The following ABCC5 variants were observed in gnomAD, a reference collection of about 807,000 sequenced individuals.
ABCC5 encodes ATP binding cassette subfamily C member 5.
ABCC5 carries 61 observed loss-of-function variants against 160.9 expected under a neutral mutation model. The observed-to-expected ratio is 0.38, with a 90% CI of 0.31 to 0.47. ABCC5 has a LOEUF of 0.47. Among genes scored for constraint, ABCC5 ranks in the 20% least tolerant of loss-of-function variants. The probability of loss-of-function intolerance (pLI) is 0.99; values close to 1 mark genes in which losing one functional copy is unlikely to be tolerated. For synonymous variants in ABCC5, 666 were observed against 700.6 expected (o/e 0.95, Z 0.78); for missense variants, 1,308 against 1,813.3 (o/e 0.72, Z 5.06).
intron 2 of ABCC5, among the ~76,000 whole-genome samples, chr3:183,999,015 G>A (rs1272591715): frequency 1.3e-5 from 2 of 151,876 alleles, no homozygotes; most frequent in African/African-American, 2.4e-5. Flanking sequence ...GCTTGAACCT[G>A]GGAGGTGCAG....
chr3:184,006,390 A>G (rs1334182191), intron 2 of ABCC5: 1 of 152,122 alleles, frequency 6.6e-6, no homozygotes, highest in Non-Finnish European at 1.5e-5. Context: ...ATCAAGAGAA[A>G]AATAATGCAG....
At position 183,921,697 on chromosome 3, in the gene ABCC5, A is replaced by AG. The variant is rs1711995093; in HGVS notation, c.4213-297_4213-296insC. Among the ~76,000 whole-genome samples the AG allele has an allele frequency of 6.6e-6, 1 of 152,164 alleles. No homozygotes were observed. The highest frequency in any genetic ancestry group is 2.4e-5 in the African/African-American group (1 of 41,536). ...TCCAGACCTCCTTCACATAAATCCAAATTCCTTCAGCCTTGGGAGTGAAGG... is the reference window on the plus strand; with the variant it reads ...TCCAGACCTCCTTCACATAAATCCAAGATTCCTTCAGCCTTGGGAGTGAAGG... On this transcript the variant is annotated intron_variant, in intron 29 of 29. Coordinates refer to ENST00000334444, the MANE Select transcript of ABCC5 (RefSeq NM_005688.4). The surrounding 1 kb of genome is among the most constrained non-coding windows in gnomAD (Gnocchi z 4.1).
intron 18 of ABCC5, 141 bp from the exon 19 acceptor site, chr3:183,952,144 CTTTTT>C (rs34905378): frequency 4.7e-3 from 1,757 of 372,162 alleles, no homozygotes; most frequent in South Asian, 8.2e-3. Flanking sequence ...TTGTCCACCT[CTTTTT>C]TTTTTTTTTT....
chr3:183,928,215 G>A (rs1464575516), intron 27 of ABCC5, among the ~76,000 whole-genome samples: 2 of 151,556 alleles, frequency 1.3e-5, no homozygotes, highest in Admixed American at 6.6e-5. Flanking sequence ...GGGCTCAAGC[G>A]ATTCTCCTGT....
At chr3:183,938,556 C>G (rs577112966) in intron 25 of ABCC5, among the ~76,000 whole-genome samples, 221 of 152,278 alleles carry the variant, frequency 1.5e-3, no homozygotes, top group African/African-American at 5.2e-3. Context: ...CTTGGCCTCC[C>G]AAAATGCTGG....
Position 183,963,281 on chromosome 3 carries a change from C to G in ABCC5, c.2235+104G>C. ...TTGCTAAGAAAATGAAACCTTGATT[C>G]CAGGAATTTCTAGTTATAACACAAG... On this transcript the variant is annotated intron_variant, in intron 15 of 29. Coordinates refer to ENST00000334444, the MANE Select transcript of ABCC5 (RefSeq NM_005688.4). This position sits in a 1 kb window ranked among gnomAD's most constrained non-coding sequence, Gnocchi z 4.6. The G allele has an allele frequency of 7.9e-7, 1 of 1,268,234 alleles. No individual in the cohort carries two copies. The allele number at this position is 1,268,234 out of a possible 1,614,324, so 78.6% of individuals were successfully genotyped here.
chr3:183,999,608 T>C (rs537526616), intron 2 of ABCC5, among the ~76,000 whole-genome samples: 58 of 151,554 alleles, frequency 3.8e-4, no homozygotes, highest in Non-Finnish European at 7.4e-4. Context: ...TGAGAACCCA[T>C]CTATATACAG....
At chr3:183,966,012 G>A (rs1235243494) in intron 12 of ABCC5, among the ~76,000 whole-genome samples, 1 of 152,152 alleles carries the variant, frequency 6.6e-6, no homozygotes, top group East Asian at 1.9e-4. Context: ...TACCAATGAT[G>A]GACCTTGCCT....
In ABCC5 at chr3:183,959,809, A is replaced by G. The variant is rs377226586; in HGVS notation, c.2406T>C (p.Gly802=). The G allele has an allele frequency of 1.2e-5, 19 of 1,611,342 alleles. No individual in the cohort carries two copies. In the African/African-American group the frequency reaches 2.3e-4, roughly 19 times the overall value. ...VEINSKKETS[G]SQKKSQDKGP... is the part of the protein sequence containing the mutation. The stretch of plus-strand genomic sequence containing the variant: ...CCTTGTCTTGTGACTTCTTCTGTGA[A>G]CCACTGGTTTCCTTTTTTGAATTGA... The change falls in exon 17 of 30, where the codon GGT becomes GGC. Residue 802 remains glycine, a synonymous_variant. Transcript: ENST00000334444.
intron 24 of ABCC5, 22 bp downstream of exon 24, chr3:183,945,827 TA>T: frequency 6.2e-7 from 1 of 1,606,228 alleles, no homozygotes; most frequent in Non-Finnish European, 8.5e-7. Flanking sequence ...CAGATCACGG[TA>T]AAAGGCCTAC....
Position 183,921,621 on chromosome 3 carries a change from G to T in ABCC5, c.4213-220C>A, listed in dbSNP as rs778418262. Among the ~76,000 whole-genome samples the T allele has an allele frequency of 1.2e-4, 18 of 149,614 alleles. No homozygotes were observed. The Admixed American group carries it at 1.2e-3, about 10-fold the overall frequency. ...ACTTCCAGCATTTTTGTAGTATGTGGTTTTGCCTAATAAAGTAGTATCATA... is the reference window on the plus strand; with the variant it reads ...ACTTCCAGCATTTTTGTAGTATGTGTTTTTGCCTAATAAAGTAGTATCATA... On this transcript the variant is annotated intron_variant, in intron 29 of 29. Coordinates refer to ENST00000334444, the MANE Select transcript of ABCC5 (RefSeq NM_005688.4). The surrounding 1 kb of genome is among the most constrained non-coding windows in gnomAD (Gnocchi z 4.1).
chr3:183,934,516 A>G (rs1382047135), intron 26 of ABCC5, among the ~76,000 whole-genome samples: 1 of 152,218 alleles, frequency 6.6e-6, no homozygotes, highest in Non-Finnish European at 1.5e-5. Context: ...CTCAGTAGCT[A>G]CAAACCCAGG....
At chr3:183,922,081 A>ATAAATAAC (rs201893198) in intron 29 of ABCC5, among the ~76,000 whole-genome samples, 1 of 144,516 alleles carries the variant, frequency 6.9e-6, no homozygotes, top group South Asian at 2.2e-4. Context: ...AAATAAATAA[A>ATAAATAAC]AAACAACAGG....
At chr3:183,969,041 G>A (rs967580229) in intron 11 of ABCC5, among the ~76,000 whole-genome samples, 1 of 152,210 alleles carries the variant, frequency 6.6e-6, no homozygotes, top group East Asian at 1.9e-4. Context: ...TTCAACCTCT[G>A]CTCAGGCCAG....
At chr3:183,928,272 C>T (rs1002087090) in intron 27 of ABCC5, among the ~76,000 whole-genome samples, 12 of 152,046 alleles carry the variant, frequency 7.9e-5, no homozygotes, top group Admixed American at 3.9e-4. Context: ...CCACCACACC[C>T]GGCTAATTTT....
chr3:183,963,647 G>C lies in ABCC5; in HGVS notation c.2032-59C>G. 1 of 1,548,940 alleles carries C rather than the reference G, an allele frequency of 6.5e-7. No homozygotes were observed. Among genetic ancestry groups the C allele is most frequent in the Non-Finnish European group, 8.8e-7 (1 of 1,131,850 alleles). On this transcript the variant is annotated intron_variant, in intron 14 of 29. Coordinates refer to ENST00000334444, the MANE Select transcript of ABCC5 (RefSeq NM_005688.4). The surrounding 1 kb of genome is among the most constrained non-coding windows in gnomAD (Gnocchi z 4.6). ...GCGCAAGTCCAGAACAGCGTGGAGG[G>C]GTCACCCAGTCACTTCTCTTCTTGC...
rs988500824 is a variant in ABCC5, at chr3:183,921,900, G to A, written c.4213-499C>T. Reference sequence around the variant, plus strand: ...CAAAAATTAGCTGGGCATGGTTGGCGGGTGCCTACAATCCCAGTGACTTGG... The same window carrying A: ...CAAAAATTAGCTGGGCATGGTTGGCAGGTGCCTACAATCCCAGTGACTTGG... On this transcript the variant is annotated intron_variant, in intron 29 of 29. Transcript: ENST00000334444. This position sits in a 1 kb window ranked among gnomAD's most constrained non-coding sequence, Gnocchi z 4.1. Among the ~76,000 whole-genome samples the A allele has an allele frequency of 4.0e-4, 60 of 151,762 alleles. 1 individual carries two copies. The highest frequency in any genetic ancestry group is 7.8e-4 in the East Asian group (4 of 5,136).
At position 184,017,208 on chromosome 3, in the gene ABCC5, C is replaced by G; in HGVS notation, c.-56+622G>C. ...GTGATAAACACAAAGCCACCCGCGG[C>G]TCTGTGTGGCAGAAGCGAAAAGAGC... On this transcript the variant is annotated intron_variant, in intron 1 of 29. Transcript: ENST00000334444. This position sits in a 1 kb window ranked among gnomAD's most constrained non-coding sequence, Gnocchi z 4.5. 6.6e-6 allele frequency: 1 copy of G among 152,400 alleles called. No individual in the cohort carries two copies. Among genetic ancestry groups the G allele is most frequent in the African/African-American group, 2.4e-5 (1 of 41,464 alleles). The allele number at this position is 152,400 out of a possible 1,614,324, so 9.4% of individuals were successfully genotyped here.
chr3:183,970,211 C>T (rs1348339801), intron 11 of ABCC5, among the ~76,000 whole-genome samples: 2 of 152,200 alleles, frequency 1.3e-5, no homozygotes, highest in African/African-American at 4.8e-5. Context: ...CTCTCCCATG[C>T]TCATTCCACT....
Sources: allele counts gnomAD v4.1 joint callset (sites outside exome capture counted in the v4.1 genomes callset), GRCh38; gene constraint gnomAD v4.1.1; non-coding constraint Gnocchi (gnomAD v3.1); transcripts MANE v1.5; gene names NCBI Gene and HGNC (gene_info 2026-07-23, HGNC 2026-07-21).